MGMT: variants seen among roughly 807,000 people sequenced by gnomAD.
MGMT encodes methylated-DNA--protein-cysteine methyltransferase.
In MGMT, 14 loss-of-function variants were observed where a neutral mutation model predicts 15.9. That is an observed-to-expected ratio of 0.88 (90% CI 0.58 to 1.37). The LOEUF is 1.37. Ranked by LOEUF, MGMT falls within the 40% of genes most tolerant of loss-of-function variation. The pLI is 0.00. For missense variants in MGMT, 282 were observed against 268.1 expected, an observed-to-expected ratio of 1.05 and a Z score of -0.36; for synonymous variants, 130 against 118.2, an observed-to-expected ratio of 1.10 and a Z score of -0.65.
At chr10:129,624,456 C>T (rs1307893294) in intron 2 of MGMT, among the ~76,000 whole-genome samples, 1 of 152,290 alleles carries the variant, frequency 6.6e-6, no homozygotes, top group East Asian at 1.9e-4. Context: ...GGAGGCTTTC[C>T]TGCTGTAAAG....
intron 2 of MGMT, among the ~76,000 whole-genome samples, chr10:129,657,409 G>C (rs570266554): frequency 5.0e-5 from 7 of 139,174 alleles, no homozygotes; most frequent in East Asian, 3.9e-4. Context: ...TTGTGGGGGT[G>C]GGGGGGGGAG....
intron 2 of MGMT, among the ~76,000 whole-genome samples, chr10:129,584,039 C>T (rs1351831103): frequency 3.9e-5 from 6 of 152,132 alleles, no homozygotes; most frequent in Admixed American, 6.5e-5. Context: ...GATGCAGAAG[C>T]GGAAGTCAGT....
At chr10:129,583,868 G>A (rs1014495640) in intron 2 of MGMT, among the ~76,000 whole-genome samples, 1 of 152,154 alleles carries the variant, frequency 6.6e-6, no homozygotes, top group Non-Finnish European at 1.5e-5. Flanking sequence ...TTTTGGTGGA[G>A]CTGGGAGGAG....
chr10:129,643,510 A>G (rs1847351579), intron 2 of MGMT, among the ~76,000 whole-genome samples: 1 of 152,200 alleles, frequency 6.6e-6, no homozygotes, highest in South Asian at 2.1e-4. Flanking sequence ...GGACGGCAGC[A>G]GAGCCTGGGC....
chr10:129,644,978 A>G (rs1319931604), intron 2 of MGMT, among the ~76,000 whole-genome samples: 2 of 152,198 alleles, frequency 1.3e-5, no homozygotes, highest in Admixed American at 6.5e-5. Flanking sequence ...GTGGACGTCC[A>G]GATAATGAAC....
intron 2 of MGMT, among the ~76,000 whole-genome samples, chr10:129,676,013 G>A (rs1194930372): frequency 6.6e-6 from 1 of 152,190 alleles, no homozygotes; most frequent in Non-Finnish European, 1.5e-5. Flanking sequence ...CACTGCGCCG[G>A]GCTCTCATGA....
intron 3 of MGMT, among the ~76,000 whole-genome samples, chr10:129,710,634 G>A (rs1435703169): frequency 6.6e-6 from 1 of 152,230 alleles, no homozygotes; most frequent in Non-Finnish European, 1.5e-5. Flanking sequence ...GGTTCTCCCA[G>A]ATGTGGATAC....
intron 2 of MGMT, among the ~76,000 whole-genome samples, chr10:129,650,349 C>T (rs988816248): frequency 1.3e-5 from 2 of 152,204 alleles, no homozygotes; most frequent in African/African-American, 4.8e-5. Context: ...AATTCATCTT[C>T]GCCAAGCTAG....
At chr10:129,547,910 A>G (rs1439343404) in intron 2 of MGMT, among the ~76,000 whole-genome samples, 3 of 152,224 alleles carry the variant, frequency 2.0e-5, no homozygotes, top group Non-Finnish European at 2.9e-5. Context: ...ATGGGAGGCA[A>G]TACTTGTTCT....
At chr10:129,638,146 TG>T (rs1337582394) in intron 2 of MGMT, among the ~76,000 whole-genome samples, 1 of 152,152 alleles carries the variant, frequency 6.6e-6, no homozygotes, top group Non-Finnish European at 1.5e-5. Context: ...ACATGTGACA[TG>T]TTTCACTTAA....
chr10:129,687,832 T>C (rs922339915), intron 2 of MGMT, among the ~76,000 whole-genome samples: 6 of 152,118 alleles, frequency 3.9e-5, no homozygotes, highest in East Asian at 1.9e-4. Context: ...TATCTCCTAA[T>C]GCTATCCCTC....
At chr10:129,581,482 TTCCCATCTACTGTTAA>T (rs1478051553) in intron 2 of MGMT, among the ~76,000 whole-genome samples, 1 of 152,190 alleles carries the variant, frequency 6.6e-6, no homozygotes, top group East Asian at 1.9e-4. Flanking sequence ...CATCATGTCA[TTCCCATCTACTGTTAA>T]TTTTTAAAAA....
At chr10:129,702,230 C>G (rs901490683) in intron 2 of MGMT, 3 of 152,200 alleles carry the variant, frequency 2.0e-5, no homozygotes, top group Non-Finnish European at 4.4e-5. Context: ...GCATTGCCAA[C>G]AGTTGTGTTT....
At chr10:129,543,287 T>C (rs1846064584) in intron 2 of MGMT, among the ~76,000 whole-genome samples, 2 of 152,164 alleles carry the variant, frequency 1.3e-5, no homozygotes, top group African/African-American at 4.8e-5. Flanking sequence ...CGTTGTGTGA[T>C]AGGAGACGGG....
At position 129,556,342 on chromosome 10, in the gene MGMT, C is replaced by A. The variant is rs990594031; in HGVS notation, c.125+19965C>A. Among the ~76,000 whole-genome samples, 3 of 152,182 alleles carry A rather than the reference C, an allele frequency of 2.0e-5. No individual in the cohort carries two copies. The highest frequency in any genetic ancestry group is 2.9e-5 in the Non-Finnish European group (2 of 68,030). On this transcript the variant is annotated intron_variant, in intron 2 of 4. Transcript: ENST00000651593. This position sits in a 1 kb window ranked among gnomAD's most constrained non-coding sequence, Gnocchi z 4.3. ...AGGGTCATTAGAGGAGCCCCTCACC[C>A]AGTGTGACCGGTGTCCCCATGAGAT...
Position 129,505,586 on chromosome 10 carries a change from G to A in MGMT, c.-12-30655G>A, listed in dbSNP as rs574518851. The stretch of plus-strand genomic sequence containing the variant: ...GCTGGTCTTTTCCTTCTTTAAAAAT[G>A]GTTGAGTTACTTTCTGTCTGCATCT... On this transcript the variant is annotated intron_variant, in intron 1 of 4. Transcript: ENST00000651593. Among the ~76,000 whole-genome samples, 248 of 152,256 alleles carry A rather than the reference G, an allele frequency of 1.6e-3. 1 individual carries two copies. Among genetic ancestry groups the A allele is most frequent in the Non-Finnish European group, 2.7e-3 (181 of 68,028 alleles).
chr10:129,550,243 A>T (rs189535317), intron 2 of MGMT, among the ~76,000 whole-genome samples: 1 of 151,974 alleles, frequency 6.6e-6, no homozygotes, highest in Non-Finnish European at 1.5e-5. Flanking sequence ...GCCGCCCAGC[A>T]CTGGCATGTT....
intron 3 of MGMT, among the ~76,000 whole-genome samples, chr10:129,749,739 A>G (rs1848732693): frequency 6.6e-6 from 1 of 152,304 alleles, no homozygotes; most frequent in South Asian, 2.1e-4. Context: ...CCCATCAGCA[A>G]TGATTAAGCA....
intron 2 of MGMT, among the ~76,000 whole-genome samples, chr10:129,632,783 G>T (rs951942957): frequency 2.6e-5 from 4 of 151,034 alleles, no homozygotes; most frequent in Non-Finnish European, 5.9e-5. Flanking sequence ...GAGTGACTGG[G>T]TGTCTTTAAA....
Sources: allele counts gnomAD v4.1 joint callset (sites outside exome capture counted in the v4.1 genomes callset), GRCh38; gene constraint gnomAD v4.1.1; non-coding constraint Gnocchi (gnomAD v3.1); transcripts MANE v1.5; gene names NCBI Gene and HGNC (gene_info 2026-07-23, HGNC 2026-07-21).